PLB1: variants seen among roughly 807,000 people sequenced by gnomAD.
The protein encoded by PLB1 is phospholipase B1.
In PLB1, 242 loss-of-function variants were observed where a neutral mutation model predicts 227.4. The ratio of observed to expected loss-of-function variants is 1.06; its 90% CI spans 0.96 to 1.18. The LOEUF (loss-of-function observed/expected upper bound fraction) is 1.18. Among genes scored for constraint, PLB1 ranks in the 50% most tolerant of loss-of-function variants. PLB1 has a pLI of 0.00. For synonymous variants in PLB1, 757 were observed against 682.2 expected (o/e 1.11, Z -1.71); for missense variants, 1,858 against 1,816.3 (o/e 1.02, Z -0.42).
chr2:28,623,101 A>C (rs966854289), intron 49 of PLB1, among the ~76,000 whole-genome samples: 1 of 152,154 alleles, frequency 6.6e-6, no homozygotes, highest in African/African-American at 2.4e-5. Context: ...GCACTGTCTA[A>C]AGACAGATGC....
intron 22 of PLB1, 107 bp from the exon 23 acceptor site, chr2:28,579,520 C>T (rs1053628071): frequency 1.2e-6 from 1 of 800,280 alleles, no homozygotes; most frequent in African/African-American, 1.7e-5. Context: ...GTCCATGAGA[C>T]ACTCTGGTGT....
intron 20 of PLB1, among the ~76,000 whole-genome samples, chr2:28,567,621 C>G (rs1320368457): frequency 1.3e-5 from 2 of 151,806 alleles, no homozygotes; most frequent in East Asian, 1.9e-4. Flanking sequence ...CTACAGGCCC[C>G]CGCCACCACA....
At chr2:28,563,127 G>A in intron 18 of PLB1, 28 bp downstream of exon 18, 1 of 1,596,136 alleles carries the variant, frequency 6.3e-7, no homozygotes, top group Non-Finnish European at 8.6e-7. Context: ...AGAAGGGGCA[G>A]GAGGGGAAAA....
intron 9 of PLB1, 138 bp downstream of exon 9, chr2:28,532,332 GGATGGATGGATGGATA>G (rs1367918528): frequency 7.5e-6 from 4 of 536,820 alleles, no homozygotes; most frequent in African/African-American, 2.0e-5. Context: ...ATGGATGGAT[GGATGGATGGATGGATA>G]GATGGATGGA....
chr2:28,612,719 A>G (rs1330991600), intron 43 of PLB1, among the ~76,000 whole-genome samples: 1 of 145,906 alleles, frequency 6.9e-6, no homozygotes, highest in Non-Finnish European at 1.5e-5. Flanking sequence ...AACAATTCTC[A>G]TGCCTCAACC....
At chr2:28,632,307 G>C (rs948843361) in intron 55 of PLB1, among the ~76,000 whole-genome samples, 167 bp downstream of exon 55, 6 of 151,790 alleles carry the variant, frequency 4.0e-5, no homozygotes, top group African/African-American at 1.5e-4. Context: ...GGGCTGGGCT[G>C]TGATTGGAAC....
chr2:28,548,585 C>CTATA (rs35161547), intron 14 of PLB1: 9,345 of 452,394 alleles, frequency 0.021, 116 homozygotes, highest in Middle Eastern at 0.033. Flanking sequence ...GAAGTCCCTT[C>CTATA]TATATATATA....
intron 44 of PLB1, 40 bp downstream of exon 44, chr2:28,614,136 C>T (rs776612953): frequency 4.5e-6 from 7 of 1,548,278 alleles, no homozygotes; most frequent in Admixed American, 1.7e-5. Flanking sequence ...AGACACAAAC[C>T]ATTTCCACCT....
chr2:28,605,043 C>G (rs1460908037), intron 41 of PLB1, among the ~76,000 whole-genome samples: 1 of 152,192 alleles, frequency 6.6e-6, no homozygotes, highest in Admixed American at 6.5e-5. Context: ...GTGTGATCAT[C>G]CGCATGGAAC....
At chr2:28,513,328 T>C (rs1014143050) in intron 1 of PLB1, among the ~76,000 whole-genome samples, 2 of 152,266 alleles carry the variant, frequency 1.3e-5, no homozygotes, top group Non-Finnish European at 2.9e-5. Context: ...GTCTGGTCTT[T>C]AGACTTTTTA....
chr2:28,578,102 C>T lies in PLB1; in HGVS notation c.1434-5C>T, dbSNP rs762301653. 1.9e-6 allele frequency: 3 copies of T among 1,613,980 alleles called. No individual in the cohort carries two copies. The highest frequency in any genetic ancestry group is 2.7e-5 in the African/African-American group (2 of 75,050). The stretch of plus-strand genomic sequence containing the variant: ...CACAGCACTTCCTCTGGTATGTTTC[C>T]ACAGGGATCTACCTGTCCAGGCCAG... On this transcript the variant is annotated splice_region_variant and splice_polypyrimidine_tract_variant and intron_variant, in intron 21 of 57. Transcript: ENST00000327757.
intron 3 of PLB1, among the ~76,000 whole-genome samples, chr2:28,518,940 C>A (rs1342720301): frequency 6.6e-6 from 1 of 152,154 alleles, no homozygotes; most frequent in African/African-American, 2.4e-5. Context: ...TATTGAGAGG[C>A]TGCATTACAG....
intron 20 of PLB1, among the ~76,000 whole-genome samples, chr2:28,571,949 G>A (rs1025945840): frequency 1.3e-5 from 2 of 152,224 alleles, no homozygotes; most frequent in African/African-American, 2.4e-5. Context: ...GCGCTTCAAA[G>A]GATGTCATAT....
At chr2:28,531,095 G>A (rs1670949099) in intron 8 of PLB1, among the ~76,000 whole-genome samples, 1 of 152,090 alleles carries the variant, frequency 6.6e-6, no homozygotes, top group Non-Finnish European at 1.5e-5. Flanking sequence ...TTTGTTTTCT[G>A]GTTACACAAG....
intron 45 of PLB1, 80 bp from the exon 46 acceptor site, chr2:28,618,261 A>T: frequency 7.7e-7 from 1 of 1,300,368 alleles, no homozygotes; most frequent in Non-Finnish European, 1.1e-6. Context: ...GGACAGAGTT[A>T]TAGACTTCTG....
Position 28,516,840 on chromosome 2 carries a change from A to G in PLB1, c.88A>G (p.Ser30Gly). Reference protein sequence around the residue: ...TPQIHTSPRKSTLEGQLWPET... With the variant: ...TPQIHTSPRKGTLEGQLWPET... ...TCAGATCCATACCTCTCCTAGAAAG[A>G]GTACATTGGAAGGGCAGCTATGGCC... The change falls in exon 2 of 58, where the codon AGT becomes GGT. Residue 30 changes from serine (S) to glycine (G), a missense_variant. Physicochemically the swap from Ser to Gly is moderately conservative, Grantham distance 56 (BLOSUM62 0). Transcript: ENST00000327757. 1.9e-6 allele frequency: 3 copies of G among 1,613,960 alleles called. No individual in the cohort carries two copies. The highest frequency in any genetic ancestry group is 2.2e-5 in the East Asian group (1 of 44,888).
At position 28,626,469 on chromosome 2, in the gene PLB1, C is replaced by A. The variant is rs1241142389; in HGVS notation, c.3621C>A (p.Phe1207Leu). ...LEKDWKLVTL[F>L]IGVNDLCHYC... ...AAGACTGGAAGCTGGTCACACTCTT[C>A]ATTGGGGTCAACGACTTGTGTCATT... is the stretch of plus-strand genomic sequence containing the variant. The change falls in exon 51 of 58, where the codon TTC becomes TTA. Residue 1207 changes from phenylalanine to leucine, a missense_variant. Coordinates refer to ENST00000327757, the MANE Select transcript of PLB1 (RefSeq NM_153021.5). 6.2e-7 allele frequency: 1 copy of A among 1,614,182 alleles called. No individual in the cohort carries two copies. The highest frequency in any genetic ancestry group is 8.5e-7 in the Non-Finnish European group (1 of 1,180,028).
chr2:28,584,022 GCCAAGGTCACTGAGACTGTGCT>G (rs1278711382), intron 25 of PLB1, among the ~76,000 whole-genome samples: 1 of 152,130 alleles, frequency 6.6e-6, no homozygotes, highest in Non-Finnish European at 1.5e-5. Flanking sequence ...TGGACTGTTA[GCCAAGGTCACTGAGACTGTGCT>G]CCCCTACCCT....
chr2:28,641,577 CAGACTGAGTGACAGAGTG>C (rs1470085874), intron 57 of PLB1, among the ~76,000 whole-genome samples: 1 of 152,182 alleles, frequency 6.6e-6, no homozygotes, highest in Non-Finnish European at 1.5e-5. Flanking sequence ...CACTGCACTC[CAGACTGAGTGACAGAGTG>C]AGACTGTCTC....
Sources: gnomAD v4.1 joint callset for allele counts (sites outside exome capture counted in the v4.1 genomes callset) on GRCh38, gnomAD v4.1.1 for gene constraint, MANE v1.5 for transcripts, NCBI Gene and HGNC (gene_info 2026-07-23, HGNC 2026-07-21) for gene names.